Variants in LOC400499 observed in about 807,000 individuals in gnomAD.
chr16:11,384,269 A>T, the LOC400499 span: 2 of 1,232,360 alleles, frequency 1.6e-6, no homozygotes, highest in South Asian at 4.1e-5. Context: ...CCATCCGGCA[A>T]CATCAGCTCA....
chr16:11,456,655 T>C, the LOC400499 span, among the ~76,000 whole-genome samples: 3 of 152,136 alleles, frequency 2.0e-5, no homozygotes, highest in Non-Finnish European at 4.4e-5. Flanking sequence ...CTCAGACTCC[T>C]GGCCTCGAGA....
the LOC400499 span, among the ~76,000 whole-genome samples, chr16:11,454,406 T>C: frequency 6.6e-6 from 1 of 152,306 alleles, no homozygotes; most frequent in African/African-American, 2.4e-5. Context: ...TAAGTCAAGA[T>C]GAGGTCATAC....
At chr16:11,379,672 G>A in the LOC400499 span, among the ~76,000 whole-genome samples, 2 of 152,232 alleles carry the variant, frequency 1.3e-5, no homozygotes, top group Non-Finnish European at 2.9e-5. Context: ...GGGACTTCCC[G>A]ATGGGGAAGG....
chr16:11,415,750 G>A, the LOC400499 span, among the ~76,000 whole-genome samples: 1 of 152,196 alleles, frequency 6.6e-6, no homozygotes, highest in South Asian at 2.1e-4. Flanking sequence ...CTTGGCTGGG[G>A]GCGGCCATAC....
At chr16:11,397,325 G>A in the LOC400499 span, among the ~76,000 whole-genome samples, 2 of 152,174 alleles carry the variant, frequency 1.3e-5, no homozygotes, top group African/African-American at 4.8e-5. Flanking sequence ...CCAGGCTGGA[G>A]TACAATGGCA....
the LOC400499 span, among the ~76,000 whole-genome samples, chr16:11,413,120 G>A: frequency 4.6e-5 from 7 of 152,176 alleles, no homozygotes; most frequent in Admixed American, 3.9e-4. Flanking sequence ...ATACAGGGCC[G>A]GAGTCAGCCC....
the LOC400499 span, chr16:11,462,092 G>C: frequency 2.0e-6 from 3 of 1,465,642 alleles, no homozygotes; most frequent in Admixed American, 6.9e-5. Flanking sequence ...AGAGCAGAGG[G>C]GACAGAAGGG....
chr16:11,471,684 C>T, the LOC400499 span: 1 of 399,156 alleles, frequency 2.5e-6, no homozygotes, highest in South Asian at 1.3e-4. Context: ...CAGCTTCCAG[C>T]AGGTACTGTC....
chr16:11,521,297 G>T, the LOC400499 span, among the ~76,000 whole-genome samples: 3 of 152,200 alleles, frequency 2.0e-5, no homozygotes, highest in Non-Finnish European at 2.9e-5. Context: ...GGTTGAGAGG[G>T]TTTATCCAGG....
chr16:11,514,442 G>T, the LOC400499 span: 2 of 399,174 alleles, frequency 5.0e-6, no homozygotes, highest in Non-Finnish European at 8.8e-6. Flanking sequence ...TGCCTTTGCA[G>T]GAAGTGGCCC....
At chr16:11,459,431 C>T in the LOC400499 span, among the ~76,000 whole-genome samples, 1 of 151,954 alleles carries the variant, frequency 6.6e-6, no homozygotes, top group African/African-American at 2.4e-5. Flanking sequence ...CTCCTGATCT[C>T]GTGATCCGCC....
chr16:11,520,490 C>T, the LOC400499 span, among the ~76,000 whole-genome samples: 1 of 152,122 alleles, frequency 6.6e-6, no homozygotes, highest in Non-Finnish European at 1.5e-5. Flanking sequence ...AATCTCATCT[C>T]TACTAAAAGT....
chr16:11,493,322 G>A, the LOC400499 span, among the ~76,000 whole-genome samples: 4 of 152,246 alleles, frequency 2.6e-5, no homozygotes, highest in East Asian at 3.8e-4. Flanking sequence ...GAGTGGGCAT[G>A]CCTGTGTTCC....
chr16:11,490,941 G>T, the LOC400499 span, among the ~76,000 whole-genome samples: 1 of 152,180 alleles, frequency 6.6e-6, no homozygotes, highest in African/African-American at 2.4e-5. Flanking sequence ...TGACTATACA[G>T]CTACACTGCA....
At chr16:11,404,578 C>G in the LOC400499 span, 1 of 394,428 alleles carries the variant, frequency 2.5e-6, no homozygotes. Flanking sequence ...AACTCCTGAC[C>G]TCGAGTGATC....
the LOC400499 span, chr16:11,411,318 C>T: frequency 5.0e-6 from 2 of 399,270 alleles, no homozygotes; most frequent in Admixed American, 8.8e-5. Context: ...CTGAGAACAG[C>T]AGCTCTTTGC....
At chr16:11,443,104 A>C in the LOC400499 span, among the ~76,000 whole-genome samples, 1 of 151,918 alleles carries the variant, frequency 6.6e-6, no homozygotes, top group Admixed American at 6.6e-5. Context: ...CCGGGGGATC[A>C]CCTGAGGTCA....
At chr16:11,508,904 G>C in the LOC400499 span, 2 of 398,910 alleles carry the variant, frequency 5.0e-6, no homozygotes, top group Non-Finnish European at 4.4e-6. Flanking sequence ...AAATGCCAGA[G>C]TGAGCTAGAA....
the LOC400499 span, among the ~76,000 whole-genome samples, chr16:11,435,258 G>A: frequency 1.3e-5 from 2 of 152,046 alleles, no homozygotes; most frequent in East Asian, 1.9e-4. Flanking sequence ...GACTACAGGT[G>A]CACCCCACCA....
Sources: gnomAD v4.1 joint callset for allele counts (sites outside exome capture counted in the v4.1 genomes callset) on GRCh38, gnomAD v4.1.1 for gene constraint, MANE v1.5 for transcripts.